The following ITFG1 variants were observed in gnomAD, a reference collection of about 807,000 sequenced individuals.
The protein encoded by ITFG1 is integrin alpha FG-GAP repeat containing 1.
ITFG1 carries 34 observed loss-of-function variants against 81.8 expected under a neutral mutation model. The observed-to-expected ratio is 0.42, with a 90% CI of 0.32 to 0.55. The LOEUF (loss-of-function observed/expected upper bound fraction) is 0.55, where lower values mean the gene tolerates loss of function less well. ITFG1 is among the 20% of genes least tolerant of loss of function. The pLI is 0.17. For missense variants in ITFG1, 672 were observed against 755.4 expected (o/e 0.89, Z 1.29); for synonymous variants, 285 against 270.6 (o/e 1.05, Z -0.52).
rs1300813722 is a variant in ITFG1 at position 47,365,294 on chromosome 16, C to T, written c.802+494G>A. On this transcript the variant is annotated intron_variant, in intron 8 of 17. Coordinates refer to ENST00000320640, the MANE Select transcript of ITFG1 (RefSeq NM_030790.5). ...CCACATATGCTTTGGAAGTTCCTGACCAATGTGAACTTGATTGTGCAGAAT... is the reference window on the plus strand; with the variant it reads ...CCACATATGCTTTGGAAGTTCCTGATCAATGTGAACTTGATTGTGCAGAAT... Among the ~76,000 whole-genome samples, 3 of 152,150 alleles carry T rather than the reference C, an allele frequency of 2.0e-5. No homozygotes were observed. In the South Asian group the frequency reaches 6.2e-4, roughly 32 times the overall value.
intron 8 of ITFG1, among the ~76,000 whole-genome samples, chr16:47,335,089 G>T (rs1396041145): frequency 1.3e-5 from 2 of 152,200 alleles, no homozygotes; most frequent in Non-Finnish European, 2.9e-5. Flanking sequence ...GGGTGCAGTG[G>T]CTCATGCCAG....
intron 8 of ITFG1, among the ~76,000 whole-genome samples, chr16:47,348,552 G>C (rs1247093188): frequency 6.6e-6 from 1 of 152,126 alleles, no homozygotes; most frequent in East Asian, 1.9e-4. Flanking sequence ...AAGAAATATG[G>C]GACTATGTGA....
At chr16:47,371,449 A>G (rs1208260153) in intron 7 of ITFG1, among the ~76,000 whole-genome samples, 1 of 152,118 alleles carries the variant, frequency 6.6e-6, no homozygotes. Context: ...CAGTTAACCC[A>G]CACCTGTTGA....
upstream of ITFG1, chr16:47,461,221 C>T: frequency 1.0e-6 from 1 of 980,116 alleles, no homozygotes; most frequent in South Asian, 1.6e-5. Context: ...AGCAGTGGAG[C>T]TAGGGTGAAA....
chr16:47,180,385 CCA>C (rs1395137454), intron 14 of ITFG1, among the ~76,000 whole-genome samples: 21 of 152,036 alleles, frequency 1.4e-4, no homozygotes, highest in Non-Finnish European at 2.6e-4. Flanking sequence ...CCCCCTCTCC[CCA>C]CGGTCTCCCT....
intron 8 of ITFG1, among the ~76,000 whole-genome samples, chr16:47,358,388 A>C (rs1190938635): frequency 6.6e-6 from 1 of 152,246 alleles, no homozygotes; most frequent in Admixed American, 6.5e-5. Context: ...GTCTATTTAA[A>C]TGCTAAATAA....
At chr16:47,423,417 AT>A (rs1438784415) in intron 6 of ITFG1, among the ~76,000 whole-genome samples, 1 of 152,126 alleles carries the variant, frequency 6.6e-6, no homozygotes, top group African/African-American at 2.4e-5. Context: ...AAACTGGGGC[AT>A]TTAGCCCATT....
At chr16:47,454,626 C>T (rs1969429501) in intron 2 of ITFG1, among the ~76,000 whole-genome samples, 1 of 152,036 alleles carries the variant, frequency 6.6e-6, no homozygotes, top group Non-Finnish European at 1.5e-5. Flanking sequence ...TTAAAAGAAT[C>T]ATTTTATTTC....
At chr16:47,305,697 A>G (rs1206391562) in intron 10 of ITFG1, among the ~76,000 whole-genome samples, 1 of 152,218 alleles carries the variant, frequency 6.6e-6, no homozygotes, top group Non-Finnish European at 1.5e-5. Flanking sequence ...AGCAAAAGTG[A>G]ATATCAGAAT....
At chr16:47,278,574 T>C (rs1016499834) in intron 10 of ITFG1, among the ~76,000 whole-genome samples, 4 of 152,194 alleles carry the variant, frequency 2.6e-5, no homozygotes, top group Non-Finnish European at 5.9e-5. Context: ...TTTCTATTCC[T>C]GCCTGGACCA....
At chr16:47,181,549 G>C (rs1160086220) in intron 14 of ITFG1, among the ~76,000 whole-genome samples, 2 of 135,162 alleles carry the variant, frequency 1.5e-5, no homozygotes, top group African/African-American at 6.3e-5. Flanking sequence ...CTGGCAGGGA[G>C]GTGGGGGGGG....
intron 14 of ITFG1, among the ~76,000 whole-genome samples, chr16:47,209,783 T>G (rs1197281066): frequency 6.6e-6 from 1 of 152,202 alleles, no homozygotes; most frequent in East Asian, 1.9e-4. Flanking sequence ...ACTTTAGAAA[T>G]GTTATACAAA....
chr16:47,328,071 C>T (rs1567462044), intron 8 of ITFG1, among the ~76,000 whole-genome samples: 2 of 152,106 alleles, frequency 1.3e-5, no homozygotes, highest in Non-Finnish European at 2.9e-5. Context: ...GGAACCAACC[C>T]AAATGTCCAA....
At chr16:47,229,276 A>G (rs143270137) in intron 13 of ITFG1, among the ~76,000 whole-genome samples, 181 of 152,286 alleles carry the variant, frequency 1.2e-3, no homozygotes, top group Non-Finnish European at 2.2e-3. Flanking sequence ...CGGAGGAAAT[A>G]TTGTCTGAGT....
intron 8 of ITFG1, among the ~76,000 whole-genome samples, chr16:47,355,255 C>G (rs1393951680): frequency 6.6e-6 from 1 of 151,988 alleles, no homozygotes; most frequent in African/African-American, 2.4e-5. Context: ...ATGGATGAAC[C>G]TGGAGGTCAT....
In ITFG1 at chr16:47,439,398, T is replaced by C. The variant is rs143653180; in HGVS notation, c.561-10500A>G. ...CACATAATTGTCAGATTCACCAAAGTTGAAATGAAAGAAAAAATGTTAAGG... is the reference window on the plus strand; with the variant it reads ...CACATAATTGTCAGATTCACCAAAGCTGAAATGAAAGAAAAAATGTTAAGG... On this transcript the variant is annotated intron_variant, in intron 5 of 17. Coordinates refer to ENST00000320640, the MANE Select transcript of ITFG1 (RefSeq NM_030790.5). Among the ~76,000 whole-genome samples the C allele has an allele frequency of 1.4e-4, 21 of 151,968 alleles. No homozygotes were observed. The East Asian group carries it at 3.7e-3, about 27-fold the overall frequency.
intron 8 of ITFG1, among the ~76,000 whole-genome samples, chr16:47,325,826 T>G (rs556478729): frequency 8.5e-5 from 13 of 152,126 alleles, no homozygotes; most frequent in Non-Finnish European, 1.6e-4. Context: ...ACTGAGGCAA[T>G]AATAAATAGC....
intron 12 of ITFG1, among the ~76,000 whole-genome samples, chr16:47,243,991 A>G (rs1965967351): frequency 6.6e-6 from 1 of 152,170 alleles, no homozygotes; most frequent in Admixed American, 6.5e-5. Context: ...AGATTGCACC[A>G]CTGGACTCCA....
chr16:47,288,447 C>T (rs1410786783), intron 10 of ITFG1, among the ~76,000 whole-genome samples: 1 of 152,140 alleles, frequency 6.6e-6, no homozygotes, highest in Non-Finnish European at 1.5e-5. Flanking sequence ...TTGGGATACT[C>T]AGTGGCAGGA....
Sources: gnomAD v4.1 joint callset for allele counts (sites outside exome capture counted in the v4.1 genomes callset) on GRCh38, gnomAD v4.1.1 for gene constraint, MANE v1.5 for transcripts, NCBI Gene and HGNC (gene_info 2026-07-23, HGNC 2026-07-21) for gene names.